DNAJC10: variants seen among roughly 807,000 people sequenced by gnomAD.
DNAJC10 encodes the protein DnaJ heat shock protein family (Hsp40) member C10.
Under a neutral mutation model 115.0 loss-of-function variants are expected in DNAJC10, and 101 were observed. The observed-to-expected ratio is 0.88, with a 90% CI of 0.75 to 1.04. The LOEUF is 1.04. Ranked by LOEUF, DNAJC10 falls within the 50% of genes least tolerant of loss-of-function variation. The probability of loss-of-function intolerance (pLI) is 0.00; values close to 1 mark genes in which losing one functional copy is unlikely to be tolerated. For missense variants in DNAJC10, 981 were observed against 928.8 expected (o/e 1.06, Z -0.73); for synonymous variants, 307 against 301.5 (o/e 1.02, Z -0.19).
intron 22 of DNAJC10, among the ~76,000 whole-genome samples, chr2:182,765,899 GT>G (rs1161559805): frequency 1.3e-5 from 2 of 152,204 alleles, no homozygotes; most frequent in Non-Finnish European, 2.9e-5. Flanking sequence ...AAGGTTTAAA[GT>G]TATAATGGAT....
At chr2:182,747,134 C>A (rs1351378144) in intron 14 of DNAJC10, among the ~76,000 whole-genome samples, 1 of 151,720 alleles carries the variant, frequency 6.6e-6, no homozygotes, top group African/African-American at 2.4e-5. Context: ...GTTACTGTAG[C>A]CTTGTAGTAT....
At chr2:182,729,701 A>G (rs544070464) in intron 7 of DNAJC10, 147 bp from the exon 8 acceptor site, 3 of 475,922 alleles carry the variant, frequency 6.3e-6, no homozygotes, top group South Asian at 3.9e-5. Flanking sequence ...TTATCAGGAT[A>G]TCATTTGGAA....
intron 7 of DNAJC10, 110 bp from the exon 8 acceptor site, chr2:182,729,738 C>A (rs980360242): frequency 3.3e-6 from 2 of 601,096 alleles, no homozygotes; most frequent in African/African-American, 1.9e-5. Context: ...AGAAATAGAG[C>A]TTTGCTGCAT....
chr2:182,785,216 C>G lies in DNAJC10; in HGVS notation c.*8084C>G, dbSNP rs2105725108. 1 of 152,170 alleles carries G rather than the reference C, an allele frequency of 6.6e-6. No individual in the cohort carries two copies. 9.4% of individuals were successfully genotyped at this position (152,170 alleles called of 1,614,324 possible). On this transcript the variant is annotated 3_prime_UTR_variant, in exon 24 of 24. Transcript: ENST00000264065. ...TATTGGAGCTCAGCAGATTCCCATT[C>G]ATGAAGAATGGTGCCTGTGTAACAG... is the stretch of plus-strand genomic sequence containing the variant.
chr2:182,764,041 G>A (rs1179326151), intron 22 of DNAJC10, among the ~76,000 whole-genome samples: 1 of 152,090 alleles, frequency 6.6e-6, no homozygotes, highest in African/African-American at 2.4e-5. Context: ...ACTCAAGAGT[G>A]GAAATTTGAG....
At chr2:182,722,124 C>A in intron 5 of DNAJC10, 49 bp downstream of exon 5, 1 of 1,287,040 alleles carries the variant, frequency 7.8e-7, no homozygotes, top group South Asian at 1.4e-5. Flanking sequence ...AGTTCGATCT[C>A]ATCTAAAACT....
At chr2:182,729,713 T>C in intron 7 of DNAJC10, 135 bp from the exon 8 acceptor site, 1 of 500,730 alleles carries the variant, frequency 2.0e-6, no homozygotes, top group East Asian at 3.4e-5. Context: ...CATTTGGAAA[T>C]ACATTCTGCT....
At chr2:182,766,629 G>A (rs924761124) in intron 22 of DNAJC10, among the ~76,000 whole-genome samples, 1 of 152,074 alleles carries the variant, frequency 6.6e-6, no homozygotes, top group African/African-American at 2.4e-5. Flanking sequence ...CTCCAGGGAA[G>A]CAGAAAAAAG....
chr2:182,752,544 CTAAGTA>C (rs1346120457), intron 16 of DNAJC10: 6 of 893,138 alleles, frequency 6.7e-6, no homozygotes, highest in Non-Finnish European at 8.0e-6. Flanking sequence ...CTTCATACTT[CTAAGTA>C]TATTTGCTGG....
chr2:182,732,292 G>A (rs1196779107), intron 9 of DNAJC10, among the ~76,000 whole-genome samples: 1 of 150,726 alleles, frequency 6.6e-6, no homozygotes, highest in Non-Finnish European at 1.5e-5. Flanking sequence ...GAGAATGAAA[G>A]AAAGAGGGAG....
chr2:182,747,480 T>C lies in DNAJC10; in HGVS notation c.1306+3768T>C, dbSNP rs1693898343. ...TAAGTTGGATTCCTAGGTATTTTAT[T>C]CTCTTTGTAGCAATTGTGAATGGGA... On this transcript the variant is annotated intron_variant, in intron 14 of 23. Transcript: ENST00000264065. 1.7e-4 allele frequency among the ~76,000 whole-genome samples: 13 copies of C among 77,588 alleles called. No individual in the cohort carries two copies. The South Asian group carries it at 5.3e-3, about 32-fold the overall frequency. 50.9% of individuals were successfully genotyped at this position (77,588 alleles called of 152,430 possible).
chr2:182,793,820 T>TCACACACACACACACACACA lies in DNAJC10; in HGVS notation c.*16714_*16733dup, dbSNP rs4018698. The TCACACACACACACACACACA allele has an allele frequency of 7.1e-4, 97 of 135,718 alleles. 1 individual carries two copies. Among genetic ancestry groups the TCACACACACACACACACACA allele is most frequent in the African/African-American group, 2.4e-3 (83 of 34,524 alleles). The allele number at this position is 135,718 out of a possible 1,614,324, so 8.4% of individuals were successfully genotyped here. A position where few individuals can be genotyped will look rare whatever the true frequency, so the allele number is the denominator to read the frequency against. On this transcript the variant is annotated 3_prime_UTR_variant, in exon 24 of 24. Coordinates refer to ENST00000264065, the MANE Select transcript of DNAJC10 (RefSeq NM_018981.4). ...TAAAATTTTCCAGAGAGGAAACACA[T>TCACACACACACACACACACA]CACACACACACACACACACACACAC...
chr2:182,725,994 G>A (rs1574919439), intron 5 of DNAJC10, among the ~76,000 whole-genome samples: 1 of 152,198 alleles, frequency 6.6e-6, no homozygotes, highest in Admixed American at 6.5e-5. Context: ...CCTGCCATAG[G>A]TAGTGATTCC....
At position 182,753,873 on chromosome 2, in the gene DNAJC10, C is replaced by T. The variant is rs148893295; in HGVS notation, c.1552-1130C>T. Reference sequence around the variant, plus strand: ...CTGGGATTACAGGCATGAGCCACTGCGCCCAGCCAATTTCTTTAGTTTTTC... The same window carrying T: ...CTGGGATTACAGGCATGAGCCACTGTGCCCAGCCAATTTCTTTAGTTTTTC... On this transcript the variant is annotated intron_variant, in intron 16 of 23. Coordinates refer to ENST00000264065, the MANE Select transcript of DNAJC10 (RefSeq NM_018981.4). Among the ~76,000 whole-genome samples the T allele has an allele frequency of 2.2e-3, 341 of 152,178 alleles. 2 individuals are homozygous for T. The highest frequency in any genetic ancestry group is 7.9e-3 in the African/African-American group (330 of 41,528).
chr2:182,755,148 C>A (rs2105675408), intron 17 of DNAJC10, 44 bp downstream of exon 17: 1 of 1,150,626 alleles, frequency 8.7e-7, no homozygotes, highest in South Asian at 1.2e-5. Flanking sequence ...TTGTCTGTTT[C>A]TATGTAAACC....
intron 21 of DNAJC10, among the ~76,000 whole-genome samples, chr2:182,761,716 G>A (rs1694290272): frequency 1.3e-5 from 2 of 152,028 alleles, no homozygotes; most frequent in Non-Finnish European, 2.9e-5. Context: ...ATGCTTATGC[G>A]GCATTCACCC....
At chr2:182,770,066 T>C (rs1044788967) in intron 22 of DNAJC10, among the ~76,000 whole-genome samples, 35 of 152,234 alleles carry the variant, frequency 2.3e-4, no homozygotes, top group Non-Finnish European at 1.6e-4. Flanking sequence ...GCACCATTTA[T>C]TAAATAGGGT....
intron 18 of DNAJC10, among the ~76,000 whole-genome samples, chr2:182,757,135 C>T (rs1186541615): frequency 6.6e-6 from 1 of 152,054 alleles, no homozygotes; most frequent in African/African-American, 2.4e-5. Context: ...AAAATAGGCA[C>T]CATGTTTTAA....
Position 182,788,276 on chromosome 2 carries a change from A to G in DNAJC10, c.*11144A>G, listed in dbSNP as rs1694986497. 6.1e-6 allele frequency: 1 copy of G among 165,094 alleles called. No individual in the cohort carries two copies. The highest frequency in any genetic ancestry group is 1.6e-4 in the South Asian group (1 of 6,228). 10.2% of individuals were successfully genotyped at this position (165,094 alleles called of 1,614,324 possible). On this transcript the variant is annotated 3_prime_UTR_variant, in exon 24 of 24. Coordinates refer to ENST00000264065, the MANE Select transcript of DNAJC10 (RefSeq NM_018981.4). ...CACAAAGGAAATGCGCGTTGATACC[A>G]GCCTCTACAAAGCTGTCGGGGCCAG...
Sources: gnomAD v4.1 joint callset for allele counts (sites outside exome capture counted in the v4.1 genomes callset) on GRCh38, gnomAD v4.1.1 for gene constraint, MANE v1.5 for transcripts, NCBI Gene and HGNC (gene_info 2026-07-23, HGNC 2026-07-21) for gene names.